SSUH2: variants seen among roughly 807,000 people sequenced by gnomAD.
SSUH2 encodes the protein ssu-2 homolog.
A neutral mutation model predicts 55.3 loss-of-function variants in SSUH2; 47 were observed. The observed-to-expected ratio is 0.85, with a 90% CI of 0.67 to 1.08. SSUH2 has a LOEUF of 1.08. Ranked by LOEUF, SSUH2 falls within the 50% of genes least tolerant of loss-of-function variation. SSUH2 has a pLI of 0.00. For synonymous variants in SSUH2, 212 were observed against 191.5 expected (o/e 1.11, Z -0.89); for missense variants, 535 against 490.7 (o/e 1.09, Z -0.85).
chr3:8,631,239 C>T (rs190337818), intron 5 of SSUH2, among the ~76,000 whole-genome samples: 46 of 152,278 alleles, frequency 3.0e-4, no homozygotes, highest in South Asian at 4.1e-4. Flanking sequence ...ACCTACCATA[C>T]AAGATGGTAG....
At chr3:8,660,711 C>T (rs1373150359) in intron 6 of SSUH2, among the ~76,000 whole-genome samples, 1 of 152,160 alleles carries the variant, frequency 6.6e-6, no homozygotes, top group Admixed American at 6.5e-5. Context: ...CCACAAGTTA[C>T]GTTATGCTAT....
intron 8 of SSUH2, 101 bp from the exon 9 acceptor site, chr3:8,626,422 G>A (rs912318088): frequency 6.0e-6 from 5 of 837,548 alleles, no homozygotes; most frequent in Non-Finnish European, 1.0e-5. Flanking sequence ...GTAGACTGTG[G>A]TGGGCCTGCA....
chr3:8,635,957 G>A (rs1460510768), intron 1 of SSUH2, 100 bp from the exon 2 acceptor site: 1 of 1,042,230 alleles, frequency 9.6e-7, no homozygotes, highest in East Asian at 2.6e-5. Context: ...ATTATAAAAA[G>A]CCTCACGTTT....
At chr3:8,679,480 A>AGCC (rs1705801018) in intron 2 of SSUH2, among the ~76,000 whole-genome samples, 1 of 137,426 alleles carries the variant, frequency 7.3e-6, no homozygotes, top group Non-Finnish European at 1.6e-5. Context: ...GGGGACTGAG[A>AGCC]ACCAGCCCCT....
chr3:8,623,033 A>C (rs559076312), intron 11 of SSUH2, among the ~76,000 whole-genome samples: 135 of 152,288 alleles, frequency 8.9e-4, no homozygotes, highest in African/African-American at 3.2e-3. Context: ...GGCTGGCTGC[A>C]GCAGCAGCAG....
chr3:8,642,042 G>A (rs1700940237), intron 1 of SSUH2, among the ~76,000 whole-genome samples: 1 of 152,186 alleles, frequency 6.6e-6, no homozygotes, highest in Non-Finnish European at 1.5e-5. Flanking sequence ...ATGCCCAGGA[G>A]TAAAAAGGTA....
chr3:8,677,675 A>C (rs954427891), intron 2 of SSUH2, among the ~76,000 whole-genome samples: 13 of 150,764 alleles, frequency 8.6e-5, no homozygotes, highest in Non-Finnish European at 4.4e-5. Flanking sequence ...TCTCTAAACA[A>C]CTAGACAGGG....
intron 5 of SSUH2, among the ~76,000 whole-genome samples, chr3:8,664,827 A>G (rs1482699837): frequency 6.6e-6 from 1 of 152,148 alleles, no homozygotes; most frequent in Non-Finnish European, 1.5e-5. Context: ...ACAGAAGACA[A>G]CCTAAACAGG....
chr3:8,681,543 C>T (rs556162470), intron 1 of SSUH2, among the ~76,000 whole-genome samples: 3 of 148,750 alleles, frequency 2.0e-5, no homozygotes, highest in South Asian at 4.3e-4. Flanking sequence ...GCTCTTCGGA[C>T]CCCCATGGGG....
chr3:8,635,520 G>A (rs1187568571), intron 2 of SSUH2, 139 bp from the exon 3 acceptor site: 25 of 751,882 alleles, frequency 3.3e-5, no homozygotes, highest in Non-Finnish European at 5.0e-5. Context: ...AAAAGAATGG[G>A]GACTCCAAGA....
chr3:8,637,519 T>C (rs1700121946), intron 1 of SSUH2, among the ~76,000 whole-genome samples: 3 of 152,174 alleles, frequency 2.0e-5, no homozygotes, highest in East Asian at 1.9e-4. Context: ...ATGAGGCACA[T>C]GAGGCTCAGA....
intron 7 of SSUH2, among the ~76,000 whole-genome samples, chr3:8,628,888 C>G (rs1346245923): frequency 6.6e-6 from 1 of 152,240 alleles, no homozygotes; most frequent in Non-Finnish European, 1.5e-5. Flanking sequence ...TGGAGTCTTG[C>G]TCTGTCGCCC....
chr3:8,624,682 C>CCCA (rs1223506415), intron 10 of SSUH2, among the ~76,000 whole-genome samples: 1 of 152,228 alleles, frequency 6.6e-6, no homozygotes, highest in African/African-American at 2.4e-5. Flanking sequence ...CCAGCTCTGT[C>CCCA]CCACCATCAG....
intron 6 of SSUH2, among the ~76,000 whole-genome samples, 158 bp from the exon 7 acceptor site, chr3:8,629,884 A>G (rs73812734): frequency 0.025 from 3,761 of 152,268 alleles, 174 homozygotes; most frequent in African/African-American, 0.087. Context: ...AAGATTCCAG[A>G]AGGCTTGACT....
chr3:8,628,233 G>C (rs988743700), intron 7 of SSUH2, among the ~76,000 whole-genome samples: 3 of 152,222 alleles, frequency 2.0e-5, no homozygotes, highest in African/African-American at 4.8e-5. Flanking sequence ...CCCACAGGCA[G>C]TGCAGGAGTG....
At chr3:8,626,545 C>CTT (rs1697591987) in intron 8 of SSUH2, among the ~76,000 whole-genome samples, 1 of 143,350 alleles carries the variant, frequency 7.0e-6, no homozygotes, top group Non-Finnish European at 1.5e-5. Context: ...CTGCCCCCCC[C>CTT]CCTCCCCCAC....
chr3:8,673,955 C>T (rs1461074760), intron 3 of SSUH2, among the ~76,000 whole-genome samples: 2 of 151,994 alleles, frequency 1.3e-5, no homozygotes, highest in African/African-American at 2.4e-5. Flanking sequence ...TCCCCTTGAT[C>T]CCGATAACCC....
chr3:8,678,460 C>G (rs1366662265), intron 2 of SSUH2, among the ~76,000 whole-genome samples: 1 of 151,666 alleles, frequency 6.6e-6, no homozygotes, highest in Non-Finnish European at 1.5e-5. Context: ...GCCTCTATCC[C>G]CCCCTGGCTC....
At chr3:8,642,118 T>C (rs1700953868) in intron 1 of SSUH2, among the ~76,000 whole-genome samples, 1 of 152,248 alleles carries the variant, frequency 6.6e-6, no homozygotes, top group Non-Finnish European at 1.5e-5. Flanking sequence ...ACTGTATTTA[T>C]AGCCCATCTT....
Sources: gnomAD v4.1 joint callset for allele counts (sites outside exome capture counted in the v4.1 genomes callset) on GRCh38, gnomAD v4.1.1 for gene constraint, MANE v1.5 for transcripts, NCBI Gene and HGNC (gene_info 2026-07-23, HGNC 2026-07-21) for gene names.